Variants in STEAP1 observed in about 807,000 individuals in gnomAD.
STEAP1 encodes the protein STEAP1 protein.
In STEAP1, 30 loss-of-function variants were observed where a neutral mutation model predicts 34.4. The observed-to-expected ratio is 0.87, with a 90% confidence interval of 0.65 to 1.18. STEAP1 has a LOEUF of 1.18. Ranked by LOEUF, STEAP1 falls within the 50% of genes most tolerant of loss-of-function variation. The pLI is 0.00. For synonymous variants in STEAP1, 116 were observed against 135.3 expected, an observed-to-expected ratio of 0.86 and a Z score of 0.99; for missense variants, 318 against 391.1, an observed-to-expected ratio of 0.81 and a Z score of 1.58.
intron 4 of STEAP1, among the ~76,000 whole-genome samples, chr7:90,162,749 G>A (rs1285798226): frequency 6.6e-6 from 1 of 152,086 alleles, no homozygotes; most frequent in African/African-American, 2.4e-5. Flanking sequence ...CCTGTCACCT[G>A]AATTTAGTAA....
chr7:90,158,028 A>G (rs961491838), intron 1 of STEAP1, among the ~76,000 whole-genome samples: 1 of 152,242 alleles, frequency 6.6e-6, no homozygotes, highest in Non-Finnish European at 1.5e-5. Context: ...TGGGCAGTTG[A>G]AACACAATAG....
chr7:90,162,211 A>C, intron 4 of STEAP1, 133 bp downstream of exon 4: 2 of 1,333,748 alleles, frequency 1.5e-6, no homozygotes, highest in African/African-American at 1.5e-5. Context: ...GTTCCAATTA[A>C]TAATGTGCTC....
chr7:90,163,040 C>A, intron 4 of STEAP1: 1 of 430,818 alleles, frequency 2.3e-6, no homozygotes, highest in Non-Finnish European at 5.0e-6. Flanking sequence ...ATTCAAAGGA[C>A]TAAATTTAAT....
At chr7:90,162,299 G>GT (rs753176067) in intron 4 of STEAP1, 37,577 of 511,020 alleles carry the variant, frequency 0.074, 1 homozygote, top group East Asian at 0.1. Context: ...AATATTCTTT[G>GT]TTTTTTTTTT....
Position 90,161,298 on chromosome 7 carries a change from T to C in STEAP1, c.578T>C (p.Leu193Pro), listed in dbSNP as rs1207132648. 6.2e-7 allele frequency: 1 copy of C among 1,613,058 alleles called. No individual in the cohort carries two copies. The highest frequency in any genetic ancestry group is 2.2e-5 in the East Asian group (1 of 44,864). ...PMRRSYRYKL[L>P]NWAYQQVQQN... ...AGGCGATCCTACAGATACAAGTTGC[T>C]AAACTGGGCATATCAACAGGTAAGA... Residue 193 changes from leucine to proline, a missense_variant, in exon 3 of 5, where the codon CTA (leucine) becomes CCA (proline). Leu to Pro is a moderately conservative substitution (Grantham distance 98). Coordinates refer to ENST00000297205, the MANE Select transcript of STEAP1 (RefSeq NM_012449.3).
chr7:90,159,136 G>A (rs1474886087), intron 1 of STEAP1, among the ~76,000 whole-genome samples: 1 of 152,170 alleles, frequency 6.6e-6, no homozygotes, highest in Non-Finnish European at 1.5e-5. Context: ...TTTATCAAGT[G>A]AGAAATTTGA....
rs780528334 is a variant in STEAP1, at chr7:90,164,589, T to C, written c.875T>C (p.Met292Thr). The C allele has an allele frequency of 9.3e-6, 15 of 1,613,752 alleles. No homozygotes were observed. Among genetic ancestry groups the C allele is most frequent in the Middle Eastern group, 1.6e-4 (1 of 6,080 alleles). ...QFVWYTPPTFMIAVFLPIVVL... is the reference protein window; with the variant it reads ...QFVWYTPPTFTIAVFLPIVVL... The stretch of plus-strand genomic sequence containing the variant: ...GTATGGTATACACCTCCAACTTTTA[T>C]GATAGCTGTTTTCCTTCCAATTGTT... The change falls in exon 5 of 5, where the codon ATG (methionine) becomes ACG (threonine). Residue 292 changes from methionine to threonine, a missense_variant. Physicochemically the swap from Met to Thr is moderately conservative, Grantham distance 81. Coordinates refer to ENST00000297205, the MANE Select transcript of STEAP1 (RefSeq NM_012449.3).
Position 90,161,148 on chromosome 7 carries a change from A to G in STEAP1, c.428A>G (p.Asn143Ser). The G allele has an allele frequency of 6.2e-7, 1 of 1,614,006 alleles. No homozygotes were observed. Among genetic ancestry groups the G allele is most frequent in the Non-Finnish European group, 8.5e-7 (1 of 1,179,880 alleles). ...GVIAAIVQLH[N>S]GTKYKKFPHW... ...ATAGCAGCAATTGTCCAACTTCATA[A>G]TGGAACCAAGTATAAGAAGTTTCCA... The change falls in exon 3 of 5, where the codon AAT becomes AGT. Residue 143 changes from asparagine (N) to serine (S), a missense_variant. Asn to Ser is a conservative substitution (Grantham distance 46, BLOSUM62 1). Coordinates refer to ENST00000297205, the MANE Select transcript of STEAP1 (RefSeq NM_012449.3).
rs1364234644 is a variant in STEAP1, at chr7:90,164,786, C to T, written c.*52C>T. On this transcript the variant is annotated 3_prime_UTR_variant, in exon 5 of 5. Transcript: ENST00000297205. The stretch of plus-strand genomic sequence containing the variant: ...CAATATTGATATATTTTATCACCAA[C>T]ATTTCAAGTTTGTATTTGTTAATAA... The T allele has an allele frequency of 6.8e-7, 1 of 1,473,746 alleles. No homozygotes were observed. The highest frequency in any genetic ancestry group is 2.4e-5 in the East Asian group (1 of 42,440). 91.3% of individuals were successfully genotyped at this position (1,473,746 alleles called of 1,614,324 possible). A position where few individuals can be genotyped will look rare whatever the true frequency, so the allele number is the denominator to read the frequency against.
chr7:90,164,519 G>C lies in STEAP1; in HGVS notation c.805G>C (p.Ala269Pro). 1 of 1,613,116 alleles carries C rather than the reference G, an allele frequency of 6.2e-7. No homozygotes were observed. The highest frequency in any genetic ancestry group is 1.1e-5 in the South Asian group (1 of 90,938). Reference protein sequence around the residue: ...IVSLLLGTIHALIFAWNKWID... With the variant: ...IVSLLLGTIHPLIFAWNKWID... ...TTCCCTTCTACTGGGCACAATACAC[G>C]CATTGATTTTTGCCTGGAATAAGTG... The change falls in exon 5 of 5, where the codon GCA becomes CCA. Residue 269 changes from alanine to proline, a missense_variant. Coordinates refer to ENST00000297205, the MANE Select transcript of STEAP1 (RefSeq NM_012449.3).
chr7:90,161,865 G>A, intron 3 of STEAP1, 49 bp from the exon 4 acceptor site: 1 of 1,565,564 alleles, frequency 6.4e-7, no homozygotes, highest in Non-Finnish European at 8.6e-7. Flanking sequence ...TCACATTCAG[G>A]AAATAACTGT....
At chr7:90,156,333 C>A (rs1392262140) in intron 1 of STEAP1, among the ~76,000 whole-genome samples, 3 of 151,964 alleles carry the variant, frequency 2.0e-5, no homozygotes, top group Non-Finnish European at 4.4e-5. Flanking sequence ...TGAAATGTAA[C>A]CCCCAGTGAG....
chr7:90,154,736 C>T (rs17867146), intron 1 of STEAP1, among the ~76,000 whole-genome samples, 193 bp downstream of exon 1: 1 of 152,304 alleles, frequency 6.6e-6, no homozygotes, highest in African/African-American at 2.4e-5. Context: ...GGGCGCGCTG[C>T]CTTCCAGCCC....
At chr7:90,163,643 G>C (rs1055965940) in intron 4 of STEAP1, among the ~76,000 whole-genome samples, 1 of 152,152 alleles carries the variant, frequency 6.6e-6, no homozygotes, top group Non-Finnish European at 1.5e-5. Context: ...TTGTGAGTTC[G>C]ATTTGTTCTG....
Position 90,161,255 on chromosome 7 carries a change from A to G in STEAP1, c.535A>G (p.Ser179Gly). 6.2e-7 allele frequency: 1 copy of G among 1,614,168 alleles called. No individual in the cohort carries two copies. The highest frequency in any genetic ancestry group is 1.7e-5 in the Admixed American group (1 of 60,016). ...TTTTGCTGTACTGCATGCAATTTATAGTCTGTCTTACCCAATGAGGCGATC... is the reference window on the plus strand; with the variant it reads ...TTTTGCTGTACTGCATGCAATTTATGGTCTGTCTTACCCAATGAGGCGATC... ...FFFAVLHAIYSLSYPMRRSYR... is the reference protein window; with the variant it reads ...FFFAVLHAIYGLSYPMRRSYR... Residue 179 changes from serine to glycine, a missense_variant, in exon 3 of 5, where the codon AGT becomes GGT. Physicochemically the swap from Ser to Gly is moderately conservative, Grantham distance 56 (BLOSUM62 0). Transcript: ENST00000297205.
chr7:90,164,514 T>C lies in STEAP1; in HGVS notation c.800T>C (p.Ile267Thr). The change falls in exon 5 of 5, where the codon ATA becomes ACA. Residue 267 changes from isoleucine (I) to threonine (T), a missense_variant. Transcript: ENST00000297205. Reference protein sequence around the residue: ...LGIVSLLLGTIHALIFAWNKW... With the variant: ...LGIVSLLLGTTHALIFAWNKW... Reference sequence around the variant, plus strand: ...ATTGTTTCCCTTCTACTGGGCACAATACACGCATTGATTTTTGCCTGGAAT... The same window carrying C: ...ATTGTTTCCCTTCTACTGGGCACAACACACGCATTGATTTTTGCCTGGAAT... The C allele has an allele frequency of 1.9e-6, 3 of 1,613,316 alleles. No homozygotes were observed. The highest frequency in any genetic ancestry group is 2.5e-6 in the Non-Finnish European group (3 of 1,179,588).
intron 1 of STEAP1, among the ~76,000 whole-genome samples, chr7:90,154,789 C>T (rs1325331589): frequency 1.3e-5 from 2 of 152,238 alleles, no homozygotes; most frequent in Non-Finnish European, 2.9e-5. Flanking sequence ...GAGCCAGGGA[C>T]TCACAGGAAG....
Position 90,161,328 on chromosome 7 carries a change from A to C in STEAP1, c.597+11A>C, listed in dbSNP as rs369411684. On this transcript the variant is annotated intron_variant, in intron 3 of 4. Transcript: ENST00000297205. ...TGGGCATATCAACAGGTAAGATGAC[A>C]GTGTTGACACTGTTACTAATAAAAA... 4 of 1,606,432 alleles carry C rather than the reference A, an allele frequency of 2.5e-6. No individual in the cohort carries two copies. The highest frequency in any genetic ancestry group is 1.3e-5 in the African/African-American group (1 of 74,540).
rs928554723 is a variant in STEAP1 at position 90,160,915 on chromosome 7, G to T, written c.195G>T (p.Gln65His). Residue 65 changes from glutamine (Q) to histidine (H), a missense_variant, in exon 3 of 5, where the codon CAG becomes CAT. Physicochemically the swap from Gln to His is conservative, Grantham distance 24 (BLOSUM62 0). Transcript: ENST00000297205. ...GCCCTTCAGAACTTCAGCACACACA[G>T]GAACTCTTTCCACAGTGGCACTTGC... ...FDCPSELQHT[Q>H]ELFPQWHLPI... is the part of the protein sequence containing the mutation. 3 of 1,613,854 alleles carry T rather than the reference G, an allele frequency of 1.9e-6. No homozygotes were observed. The African/African-American group carries it at 4.0e-5, about 22-fold the overall frequency.
Sources: gnomAD v4.1 joint callset for allele counts (sites outside exome capture counted in the v4.1 genomes callset) on GRCh38, gnomAD v4.1.1 for gene constraint, MANE v1.5 for transcripts, NCBI Gene and HGNC (gene_info 2026-07-23, HGNC 2026-07-21) for gene names.